Variants in SFSWAP observed in about 807,000 individuals in gnomAD.
The protein encoded by SFSWAP is splicing factor SWAP.
A neutral mutation model predicts 100.7 loss-of-function variants in SFSWAP; 17 were observed. The ratio of observed to expected loss-of-function variants is 0.17; its 90% CI spans 0.12 to 0.25. The LOEUF is 0.25. Ranked by LOEUF, SFSWAP falls within the 10% of genes least tolerant of loss-of-function variation. The pLI, the probability that SFSWAP is intolerant of heterozygous loss-of-function variation, is 1.00. For synonymous variants in SFSWAP, 504 were observed against 510.1 expected (o/e 0.99, Z 0.16); for missense variants, 1,005 against 1,262.6 (o/e 0.80, Z 3.09).
In SFSWAP at chr12:131,733,097, T is replaced by G. The variant is rs981279390; in HGVS notation, c.1081+4669T>G. ...TGAAACCAGAGCCCTGTGGCCCGCG[T>G]TTCAGACCACTGCCAACCATGGACA... On this transcript the variant is annotated intron_variant, in intron 7 of 17. Transcript: ENST00000261674. This position sits in a 1 kb window ranked among gnomAD's most constrained non-coding sequence, Gnocchi z 5.1. 6.6e-6 allele frequency among the ~76,000 whole-genome samples: 1 copy of G among 152,158 alleles called. No homozygotes were observed. Among genetic ancestry groups the G allele is most frequent in the Non-Finnish European group, 1.5e-5 (1 of 68,028 alleles).
At chr12:131,772,619 G>A (rs61942911) in intron 13 of SFSWAP, among the ~76,000 whole-genome samples, 11,447 of 152,160 alleles carry the variant, frequency 0.075, 486 homozygotes, top group Middle Eastern at 0.12. Context: ...CAGGCTCTGC[G>A]CTGGCCTCAC....
At chr12:131,792,343 G>A (rs570259730) in intron 15 of SFSWAP, among the ~76,000 whole-genome samples, 1 of 148,192 alleles carries the variant, frequency 6.7e-6, no homozygotes, top group African/African-American at 2.5e-5. Flanking sequence ...GTGTGCATAT[G>A]TGTGTGTTCA....
chr12:131,775,571 G>C (rs542495640), intron 13 of SFSWAP, among the ~76,000 whole-genome samples: 1 of 152,316 alleles, frequency 6.6e-6, no homozygotes, highest in African/African-American at 2.4e-5. Context: ...GCTCTTTGCA[G>C]AATGGAAGCC....
chr12:131,768,999 T>C (rs531819356), intron 13 of SFSWAP, among the ~76,000 whole-genome samples: 2 of 152,160 alleles, frequency 1.3e-5, no homozygotes, highest in East Asian at 1.9e-4. Context: ...TGGTGGAGCA[T>C]GCCTGTAATC....
At position 131,799,061 on chromosome 12, in the gene SFSWAP, C is replaced by T; in HGVS notation, c.2742C>T (p.Ala914=). 2 of 1,614,014 alleles carry T rather than the reference C, an allele frequency of 1.2e-6. No individual in the cohort carries two copies. The highest frequency in any genetic ancestry group is 1.3e-5 in the African/African-American group (1 of 75,034). The change falls in exon 17 of 18, where the codon GCC becomes GCT. Residue 914 remains alanine (A), a synonymous_variant. Coordinates refer to ENST00000261674, the MANE Select transcript of SFSWAP (RefSeq NM_004592.4). ...GGGGAGTCTCTCAGGAAAAAGAAGC[C>T]CAGATCTCTTCAGCAATCGTTTCTT... ...RSRGVSQEKE[A]QISSAIVSSV...
At chr12:131,776,293 C>T (rs1384938492) in intron 13 of SFSWAP, among the ~76,000 whole-genome samples, 1 of 152,146 alleles carries the variant, frequency 6.6e-6, no homozygotes, top group Non-Finnish European at 1.5e-5. Flanking sequence ...CATCAGATCC[C>T]AAGGAGGAAT....
At position 131,778,764 on chromosome 12, in the gene SFSWAP, C is replaced by T. The variant is rs1884229407; in HGVS notation, c.2408+434C>T. 6.6e-6 allele frequency among the ~76,000 whole-genome samples: 1 copy of T among 152,126 alleles called. No individual in the cohort carries two copies. The highest frequency in any genetic ancestry group is 1.5e-5 in the Non-Finnish European group (1 of 68,028). ...AACTCCTGACCTCAGGTAATCCACC[C>T]ACCTTGGCCTCCCAGAGTGCTGGGA... On this transcript the variant is annotated intron_variant, in intron 14 of 17. Transcript: ENST00000261674. This position sits in a 1 kb window ranked among gnomAD's most constrained non-coding sequence, Gnocchi z 4.2.
intron 10 of SFSWAP, among the ~76,000 whole-genome samples, chr12:131,756,013 C>A (rs1882124184): frequency 6.6e-6 from 1 of 152,214 alleles, no homozygotes; most frequent in African/African-American, 2.4e-5. Context: ...CTGCTCTTCT[C>A]AGTTATATAG....
chr12:131,799,026 C>T lies in SFSWAP; in HGVS notation c.2718-11C>T, dbSNP rs374561323. ...CGGTTGTAAGCTCTGCTCTCTCTCT[C>T]TCTGCATTAGGGGAGTCTCTCAGGA... On this transcript the variant is annotated splice_polypyrimidine_tract_variant and intron_variant, in intron 16 of 17. Coordinates refer to ENST00000261674, the MANE Select transcript of SFSWAP (RefSeq NM_004592.4). 1 of 1,606,940 alleles carries T rather than the reference C, an allele frequency of 6.2e-7. No individual in the cohort carries two copies. The highest frequency in any genetic ancestry group is 8.5e-7 in the Non-Finnish European group (1 of 1,173,400).
At chr12:131,767,899 C>T (rs946328725) in intron 13 of SFSWAP, among the ~76,000 whole-genome samples, 2 of 152,130 alleles carry the variant, frequency 1.3e-5, no homozygotes, top group Non-Finnish European at 2.9e-5. Flanking sequence ...ATGCTCACTG[C>T]CTGGGTGATG....
chr12:131,785,043 G>C, intron 14 of SFSWAP: 2 of 1,522,102 alleles, frequency 1.3e-6, no homozygotes, highest in Non-Finnish European at 1.8e-6. Context: ...CTTTTATTCT[G>C]AATGTGAAGT....
chr12:131,747,948 T>C (rs975544598), intron 7 of SFSWAP, among the ~76,000 whole-genome samples: 9 of 152,130 alleles, frequency 5.9e-5, no homozygotes, highest in African/African-American at 1.9e-4. Context: ...GTCAACAGGA[T>C]TTAGATCCAG....
chr12:131,788,509 G>A (rs1343483320), intron 15 of SFSWAP, among the ~76,000 whole-genome samples: 1 of 151,722 alleles, frequency 6.6e-6, no homozygotes, highest in African/African-American at 2.4e-5. Flanking sequence ...ATATGGGTTT[G>A]GTTTTGTTTT....
chr12:131,795,332 C>T (rs545141138), intron 15 of SFSWAP, among the ~76,000 whole-genome samples: 40 of 152,356 alleles, frequency 2.6e-4, no homozygotes, highest in African/African-American at 9.1e-4. Context: ...GGTCACTTCA[C>T]TGGCACCAAC....
chr12:131,722,044 T>C (rs3782288), intron 4 of SFSWAP, among the ~76,000 whole-genome samples: 22,230 of 152,184 alleles, frequency 0.15, 2,227 homozygotes, highest in East Asian at 0.52. Flanking sequence ...ATAAGTTGTT[T>C]TAGTGACTAG....
At position 131,711,771 on chromosome 12, in the gene SFSWAP, T is replaced by C; in HGVS notation, c.218+324T>C. The C allele has an allele frequency of 3.1e-6, 1 of 322,614 alleles. No individual in the cohort carries two copies. Among genetic ancestry groups the C allele is most frequent in the East Asian group, 7.0e-5 (1 of 14,352 alleles). 20.0% of individuals were successfully genotyped at this position (322,614 alleles called of 1,614,324 possible). ...CGGTGAAAGCAGCCAGTGCCCAGGG[T>C]CTTTTCCTGAGTGCACCTGGGCCTG... is the stretch of plus-strand genomic sequence containing the variant. On this transcript the variant is annotated intron_variant, in intron 1 of 17. Transcript: ENST00000261674. The surrounding 1 kb of genome is among the most constrained non-coding windows in gnomAD (Gnocchi z 4.9).
chr12:131,726,480 G>C (rs1330026050), intron 5 of SFSWAP, among the ~76,000 whole-genome samples: 4 of 152,242 alleles, frequency 2.6e-5, no homozygotes, highest in African/African-American at 9.6e-5. Context: ...AGAGTGCTGG[G>C]ATTACAGGCG....
At chr12:131,766,823 C>A (rs1288298077) in intron 13 of SFSWAP, among the ~76,000 whole-genome samples, 1 of 152,234 alleles carries the variant, frequency 6.6e-6, no homozygotes, top group Non-Finnish European at 1.5e-5. Context: ...AGGAATAGGG[C>A]CTTACATGGG....
rs957235256 is a variant in SFSWAP, at chr12:131,775,098, A to G, written c.2143-2967A>G. Among the ~76,000 whole-genome samples the G allele has an allele frequency of 2.6e-5, 4 of 152,180 alleles. No homozygotes were observed. In the East Asian group the frequency reaches 5.8e-4, roughly 22 times the overall value. On this transcript the variant is annotated intron_variant, in intron 13 of 17. Coordinates refer to ENST00000261674, the MANE Select transcript of SFSWAP (RefSeq NM_004592.4). ...CGTTTGCCAGGGACCATGTTTTTCC[A>G]TCTCCCCTCTGTTTTAACACAGCGC...
Sources: gnomAD v4.1 joint callset for allele counts (sites outside exome capture counted in the v4.1 genomes callset) on GRCh38, gnomAD v4.1.1 for gene constraint, Gnocchi (gnomAD v3.1) non-coding constraint, MANE v1.5 for transcripts, NCBI Gene and HGNC (gene_info 2026-07-23, HGNC 2026-07-21) for gene names.